The following CSPP1 variants were observed in gnomAD, a reference collection of about 807,000 sequenced individuals.
CSPP1 encodes the protein centrosome and spindle pole associated protein 1, also known as centrosome and spindle pole-associated protein 1.
A neutral mutation model predicts 164.4 loss-of-function variants in CSPP1; 126 were observed. The observed-to-expected ratio is 0.77, with a 90% CI of 0.66 to 0.89. The LOEUF is 0.89. Ranked by LOEUF, CSPP1 falls within the 40% of genes least tolerant of loss-of-function variation. CSPP1 has a pLI of 0.00. For synonymous variants in CSPP1, 472 were observed against 476.7 expected, an observed-to-expected ratio of 0.99 and a Z score of 0.13; for missense variants, 1,395 against 1,449.8, an observed-to-expected ratio of 0.96 and a Z score of 0.61.
At chr8:67,112,609 CCTT>C (rs1169233479) in intron 10 of CSPP1, among the ~76,000 whole-genome samples, 1 of 152,132 alleles carries the variant, frequency 6.6e-6, no homozygotes, top group Non-Finnish European at 1.5e-5. Context: ...GAGGCCCCCT[CCTT>C]CTTTCTATTC....
At chr8:67,077,485 G>A (rs933783793) in intron 3 of CSPP1, among the ~76,000 whole-genome samples, 23 of 152,116 alleles carry the variant, frequency 1.5e-4, no homozygotes, top group Admixed American at 6.5e-4. Context: ...ACAGGCGCAT[G>A]CCACCACACT....
chr8:67,186,155 G>GT (rs1834522263), intron 28 of CSPP1, among the ~76,000 whole-genome samples: 1 of 152,274 alleles, frequency 6.6e-6, no homozygotes, highest in African/African-American at 2.4e-5. Context: ...TTTCATTTCT[G>GT]TAACAGTTGA....
At chr8:67,177,339 C>G (rs1005451537) in intron 26 of CSPP1, among the ~76,000 whole-genome samples, 1 of 152,048 alleles carries the variant, frequency 6.6e-6, no homozygotes, top group Non-Finnish European at 1.5e-5. Context: ...GTGAGGGAGC[C>G]CCTGTTTAAC....
Position 67,122,318 on chromosome 8 carries a change from A to G in CSPP1, c.1697+3497A>G, listed in dbSNP as rs1341629801. On this transcript the variant is annotated intron_variant, in intron 15 of 30. Transcript: ENST00000678616. The stretch of plus-strand genomic sequence containing the variant: ...ATTTTTCTGGTTTCTAGAGATGAAA[A>G]TCTAGATTATTGATTTGGTATCTTT... Among the ~76,000 whole-genome samples the G allele has an allele frequency of 3.3e-5, 5 of 151,990 alleles. No homozygotes were observed. In the East Asian group the frequency reaches 9.7e-4, roughly 29 times the overall value.
chr8:67,173,974 A>T (rs1218080985), intron 25 of CSPP1: 2 of 152,124 alleles, frequency 1.3e-5, no homozygotes, highest in African/African-American at 4.8e-5. Context: ...GTCCTTGTGT[A>T]TTCTTGTGTT....
rs183449978 is a variant in CSPP1, at chr8:67,071,922, A to G, written c.-10-2321A>G. ...TTGAATGGATCACAGACTTAAATGTAAGAGAAAAAACTAAAAACTTCTAAA... is the reference window on the plus strand; with the variant it reads ...TTGAATGGATCACAGACTTAAATGTGAGAGAAAAAACTAAAAACTTCTAAA... On this transcript the variant is annotated intron_variant, in intron 1 of 30. Coordinates refer to ENST00000678616, the MANE Select transcript of CSPP1 (RefSeq NM_001382391.1). Among the ~76,000 whole-genome samples, 115 of 152,338 alleles carry G rather than the reference A, an allele frequency of 7.5e-4. 1 individual carries two copies. The highest frequency in any genetic ancestry group is 2.6e-3 in the African/African-American group (108 of 41,574).
chr8:67,154,885 C>T (rs928495172), intron 19 of CSPP1, among the ~76,000 whole-genome samples: 1 of 152,160 alleles, frequency 6.6e-6, no homozygotes, highest in Non-Finnish European at 1.5e-5. Flanking sequence ...GAGAATGCAT[C>T]TTTCTAGATA....
At chr8:67,194,688 A>T (rs960733880) in intron 30 of CSPP1, among the ~76,000 whole-genome samples, 12 of 137,114 alleles carry the variant, frequency 8.8e-5, no homozygotes, top group African/African-American at 3.2e-4. Context: ...CAGGAGAATT[A>T]AAAAAAAAAA....
At chr8:67,066,588 T>C (rs1158923790) in intron 1 of CSPP1, among the ~76,000 whole-genome samples, 2 of 152,134 alleles carry the variant, frequency 1.3e-5, no homozygotes, top group Non-Finnish European at 1.5e-5. Context: ...CTATTCTGAG[T>C]TGTAGACATT....
intron 11 of CSPP1, 66 bp downstream of exon 11, chr8:67,113,928 G>T: frequency 2.2e-6 from 2 of 923,578 alleles, no homozygotes; most frequent in Non-Finnish European, 3.4e-6. Flanking sequence ...GTGGTGGCAG[G>T]TGGGGATAGA....
Position 67,095,474 on chromosome 8 carries a change from A to T in CSPP1, c.665A>T (p.Asp222Val). Residue 222 changes from aspartate (D) to valine (V), a missense_variant, in exon 7 of 31, where the codon GAT becomes GTT. By Grantham distance (152) the Asp-to-Val change is radical. Coordinates refer to ENST00000678616, the MANE Select transcript of CSPP1 (RefSeq NM_001382391.1). ...GAGGACAGATACCGACAACTAGATGATGAAATCGAATTAAGGAATAGAAGA... is the reference window on the plus strand; with the variant it reads ...GAGGACAGATACCGACAACTAGATGTTGAAATCGAATTAAGGAATAGAAGA... ...LEEDRYRQLD[D>V]EIELRNRRII... 6.2e-7 allele frequency: 1 copy of T among 1,613,542 alleles called. No homozygotes were observed. The highest frequency in any genetic ancestry group is 8.5e-7 in the Non-Finnish European group (1 of 1,179,870).
At chr8:67,113,107 T>C (rs1308362127) in intron 10 of CSPP1, among the ~76,000 whole-genome samples, 2 of 152,044 alleles carry the variant, frequency 1.3e-5, no homozygotes, top group Non-Finnish European at 2.9e-5. Context: ...TAGCCGGGCG[T>C]GGTGGCACAT....
chr8:67,170,083 G>A (rs917643770), intron 24 of CSPP1, among the ~76,000 whole-genome samples: 11 of 152,050 alleles, frequency 7.2e-5, no homozygotes, highest in African/African-American at 2.4e-4. Context: ...TTAGGCTGAG[G>A]GGAAGGTAAT....
At chr8:67,194,993 A>AAAAG (rs369818710) in intron 30 of CSPP1, among the ~76,000 whole-genome samples, 3 of 152,326 alleles carry the variant, frequency 2.0e-5, no homozygotes, top group African/African-American at 7.2e-5. Flanking sequence ...ATAAAAAGAA[A>AAAAG]AAAGAAAGAA....
At chr8:67,097,030 A>T (rs982603154) in intron 7 of CSPP1, among the ~76,000 whole-genome samples, 2 of 152,210 alleles carry the variant, frequency 1.3e-5, no homozygotes, top group Admixed American at 1.3e-4. Context: ...ATAATTTCTT[A>T]ACTGCTACAA....
intron 24 of CSPP1, among the ~76,000 whole-genome samples, chr8:67,170,813 T>C (rs1830318517): frequency 6.6e-6 from 1 of 151,978 alleles, no homozygotes; most frequent in Admixed American, 6.6e-5. Flanking sequence ...TTGAGACGGC[T>C]TCTTGCTCTG....
chr8:67,112,201 G>C (rs1323758398), intron 10 of CSPP1, 136 bp downstream of exon 10: 4 of 442,116 alleles, frequency 9.0e-6, no homozygotes, highest in Admixed American at 4.3e-5. Context: ...ATCTCTACAT[G>C]CTAAATCAAC....
intron 28 of CSPP1, among the ~76,000 whole-genome samples, chr8:67,184,943 CAAAAAAAAAAA>C (rs796384901): frequency 8.9e-5 from 5 of 56,086 alleles, no homozygotes; most frequent in African/African-American, 2.0e-4. Flanking sequence ...ACTAAAAATA[CAAAAAAAAAAA>C]AAAAAAAAAA....
intron 15 of CSPP1, among the ~76,000 whole-genome samples, chr8:67,129,191 A>T (rs1820711518): frequency 6.6e-6 from 1 of 152,194 alleles, no homozygotes. Context: ...GAGCCTATAA[A>T]CATGAAAAAC....
Sources: gnomAD v4.1 joint callset for allele counts (sites outside exome capture counted in the v4.1 genomes callset) on GRCh38, gnomAD v4.1.1 for gene constraint, MANE v1.5 for transcripts, NCBI Gene and HGNC (gene_info 2026-07-23, HGNC 2026-07-21) for gene names.